The following SRPK2 variants were observed in gnomAD, a reference collection of about 807,000 sequenced individuals.
The protein encoded by SRPK2 is SRSF protein kinase 2.
Under a neutral mutation model 90.8 loss-of-function variants are expected in SRPK2, and 21 were observed. The observed-to-expected ratio is 0.23, with a 90% CI of 0.16 to 0.33. The LOEUF is 0.33. Ranked by LOEUF, SRPK2 falls within the 10% of genes least tolerant of loss-of-function variation. SRPK2 has a pLI of 1.00. For synonymous variants in SRPK2, 288 were observed against 311.1 expected (o/e 0.93, Z 0.78); for missense variants, 620 against 869.0 (o/e 0.71, Z 3.60).
intron 2 of SRPK2, among the ~76,000 whole-genome samples, chr7:105,248,142 T>C (rs985083448): frequency 1.9e-4 from 29 of 152,280 alleles, no homozygotes; most frequent in African/African-American, 5.3e-4. Context: ...CGTGAGCCAC[T>C]GCGCCCAGTC....
chr7:105,286,580 T>C (rs1221496383), intron 2 of SRPK2, among the ~76,000 whole-genome samples: 2 of 152,198 alleles, frequency 1.3e-5, no homozygotes, highest in Admixed American at 1.3e-4. Context: ...GCTGTACTGA[T>C]TTACAGACCA....
At chr7:105,329,173 A>G (rs1813970647) in intron 2 of SRPK2, among the ~76,000 whole-genome samples, 2 of 152,130 alleles carry the variant, frequency 1.3e-5, no homozygotes, top group South Asian at 4.1e-4. Context: ...GAATCTTTAT[A>G]TATTTCACCA....
chr7:105,247,535 C>A (rs948106055), intron 2 of SRPK2, among the ~76,000 whole-genome samples: 48 of 108,474 alleles, frequency 4.4e-4, no homozygotes, highest in African/African-American at 1.5e-3. Context: ...CACATAAACA[C>A]ACACACACAC....
chr7:105,325,551 C>CA (rs34722293), intron 2 of SRPK2, among the ~76,000 whole-genome samples: 126 of 71,456 alleles, frequency 1.8e-3, no homozygotes, highest in Admixed American at 4.2e-3. Flanking sequence ...TTTCTCAAGG[C>CA]AAAAAAAAAA....
At chr7:105,309,189 A>T (rs1811446008) in intron 2 of SRPK2, among the ~76,000 whole-genome samples, 1 of 152,218 alleles carries the variant, frequency 6.6e-6, no homozygotes, top group African/African-American at 2.4e-5. Flanking sequence ...AAAAGGAATT[A>T]AAAACTTCTT....
intron 2 of SRPK2, among the ~76,000 whole-genome samples, chr7:105,220,593 A>G (rs1585224886): frequency 6.6e-6 from 1 of 152,346 alleles, no homozygotes; most frequent in African/African-American, 2.4e-5. Flanking sequence ...AACTAACATT[A>G]AGAAAAAAAG....
At chr7:105,208,107 T>C (rs1796425815) in intron 2 of SRPK2, among the ~76,000 whole-genome samples, 1 of 152,200 alleles carries the variant, frequency 6.6e-6, no homozygotes, top group Admixed American at 6.5e-5. Context: ...CACCACTTCA[T>C]ACCCACTAGA....
chr7:105,270,094 T>C (rs1374321642), intron 2 of SRPK2, among the ~76,000 whole-genome samples: 1 of 152,192 alleles, frequency 6.6e-6, no homozygotes, highest in East Asian at 1.9e-4. Context: ...AATGGACCTG[T>C]ACAGAAATAT....
intron 2 of SRPK2, among the ~76,000 whole-genome samples, chr7:105,328,332 C>A (rs923377270): frequency 1.3e-5 from 2 of 151,752 alleles, no homozygotes; most frequent in Admixed American, 1.3e-4. Context: ...GAAGCCGAGG[C>A]GGGTGGGTCA....
intron 2 of SRPK2, among the ~76,000 whole-genome samples, chr7:105,249,915 G>A (rs1742065511): frequency 6.6e-6 from 1 of 152,180 alleles, no homozygotes; most frequent in South Asian, 2.1e-4. Context: ...TTACGCATAT[G>A]ACCTAGAATG....
At chr7:105,297,703 TTTTG>T (rs1810003598) in intron 2 of SRPK2, among the ~76,000 whole-genome samples, 1 of 152,152 alleles carries the variant, frequency 6.6e-6, no homozygotes, top group South Asian at 2.1e-4. Context: ...CATTAATTAC[TTTTG>T]TTTTATTTTC....
At chr7:105,341,706 C>T (rs1475656810) in intron 2 of SRPK2, among the ~76,000 whole-genome samples, 1 of 151,886 alleles carries the variant, frequency 6.6e-6, no homozygotes, top group South Asian at 2.1e-4. Context: ...TGGTGGCTCA[C>T]GCCTGTAATC....
intron 3 of SRPK2, among the ~76,000 whole-genome samples, chr7:105,178,645 TC>T (rs111790227): frequency 1.3e-5 from 2 of 150,936 alleles, no homozygotes; most frequent in African/African-American, 4.9e-5. Flanking sequence ...AGAGTGAGAG[TC>T]CCCCATCATT....
chr7:105,269,409 CTTGA>C (rs1348927325), intron 2 of SRPK2, among the ~76,000 whole-genome samples: 1 of 152,120 alleles, frequency 6.6e-6, no homozygotes, highest in Non-Finnish European at 1.5e-5. Context: ...GTTTTAATTT[CTTGA>C]TTGTGTTTAA....
At chr7:105,266,385 A>G (rs1287194576) in intron 2 of SRPK2, among the ~76,000 whole-genome samples, 1 of 152,128 alleles carries the variant, frequency 6.6e-6, no homozygotes, top group Non-Finnish European at 1.5e-5. Context: ...GGGTTTTTGT[A>G]TTTATATTTT....
Position 105,297,313 on chromosome 7 carries a change from T to A in SRPK2, c.71+91335A>T, listed in dbSNP as rs182352384. 116 of 255,414 alleles carry A rather than the reference T, an allele frequency of 4.5e-4. 3 individuals are homozygous for A. The highest frequency in any genetic ancestry group is 2.5e-3 in the African/African-American group (110 of 43,548). 15.8% of individuals were successfully genotyped at this position (255,414 alleles called of 1,614,324 possible). Reference sequence around the variant, plus strand: ...TGTTCAATAAATACACTGAATGAAGTGACACAGACACAGATCTGTGGTCCA... The same window carrying A: ...TGTTCAATAAATACACTGAATGAAGAGACACAGACACAGATCTGTGGTCCA... On this transcript the variant is annotated intron_variant, in intron 2 of 15. Coordinates refer to ENST00000393651, the MANE Select transcript of SRPK2 (RefSeq NM_182692.3).
At chr7:105,243,543 A>G (rs1316254097) in intron 2 of SRPK2, among the ~76,000 whole-genome samples, 1 of 149,526 alleles carries the variant, frequency 6.7e-6, no homozygotes, top group Non-Finnish European at 1.5e-5. Context: ...GTGGTAGTGC[A>G]TGCCTTGAAC....
At chr7:105,222,521 T>G (rs1373781899) in intron 2 of SRPK2, among the ~76,000 whole-genome samples, 1 of 152,250 alleles carries the variant, frequency 6.6e-6, no homozygotes, top group Non-Finnish European at 1.5e-5. Flanking sequence ...AAATAGTTTT[T>G]TAACCATAAA....
At chr7:105,379,695 T>C (rs1052072110) in intron 2 of SRPK2, among the ~76,000 whole-genome samples, 4 of 152,146 alleles carry the variant, frequency 2.6e-5, no homozygotes, top group Non-Finnish European at 5.9e-5. Flanking sequence ...ACGAATGCAC[T>C]GGGCCAGGCG....
Sources: gnomAD v4.1 joint callset for allele counts (sites outside exome capture counted in the v4.1 genomes callset) on GRCh38, gnomAD v4.1.1 for gene constraint, MANE v1.5 for transcripts, NCBI Gene and HGNC (gene_info 2026-07-23, HGNC 2026-07-21) for gene names.